Variants in CALN1 observed in about 807,000 individuals in gnomAD.
CALN1 encodes calcium-binding protein 8.
In CALN1, 17 loss-of-function variants were observed where a neutral mutation model predicts 30.6. That is an observed-to-expected ratio of 0.56 (90% CI 0.38 to 0.83). The LOEUF (loss-of-function observed/expected upper bound fraction) is 0.83, where lower values mean the gene tolerates loss of function less well. Ranked by LOEUF, CALN1 falls within the 40% of genes least tolerant of loss-of-function variation. CALN1 has a pLI of 0.00. For missense variants in CALN1, 291 were observed against 354.9 expected (o/e 0.82, Z 1.45); for synonymous variants, 156 against 131.4 (o/e 1.19, Z -1.28).
At chr7:72,028,109 T>C (rs1454461227) in intron 4 of CALN1, among the ~76,000 whole-genome samples, 2 of 146,294 alleles carry the variant, frequency 1.4e-5, no homozygotes, top group Non-Finnish European at 3.0e-5. Context: ...ATCTAAGATA[T>C]GCCCACCAGG....
chr7:71,811,656 A>G (rs1215545071), intron 5 of CALN1, among the ~76,000 whole-genome samples: 1 of 145,732 alleles, frequency 6.9e-6, no homozygotes, highest in Non-Finnish European at 1.5e-5. Context: ...ATTAGGTTTG[A>G]TAGTGTCGCT....
intron 2 of CALN1, among the ~76,000 whole-genome samples, chr7:72,333,135 C>G (rs1801783790): frequency 6.6e-6 from 1 of 152,188 alleles, no homozygotes; most frequent in Admixed American, 6.6e-5. Context: ...CTTTCCTCTG[C>G]ACCAGAATAC....
At chr7:72,240,690 T>A (rs1794771281) in intron 3 of CALN1, among the ~76,000 whole-genome samples, 2 of 152,220 alleles carry the variant, frequency 1.3e-5, no homozygotes, top group South Asian at 4.1e-4. Flanking sequence ...AGTTTATTCC[T>A]GAGGATGTCT....
intron 5 of CALN1, among the ~76,000 whole-genome samples, chr7:72,006,289 G>A (rs1799768161): frequency 6.6e-6 from 1 of 152,168 alleles, no homozygotes; most frequent in Admixed American, 6.5e-5. Flanking sequence ...CATATTTCAT[G>A]AAGGTAAAGA....
intron 4 of CALN1, among the ~76,000 whole-genome samples, chr7:72,101,790 C>T (rs1384823702): frequency 6.6e-6 from 1 of 152,158 alleles, no homozygotes; most frequent in Non-Finnish European, 1.5e-5. Context: ...CTCCTCTGTC[C>T]TTGCTTCTTG....
rs77441307 is a variant in CALN1 at position 71,823,877 on chromosome 7, C to T, written c.502-13385G>A. On this transcript the variant is annotated intron_variant, in intron 5 of 6. Transcript: ENST00000395275. ...AACAAAGGGACTTCTTATATGGTGG[C>T]AGGTAAGAGAGAGAACTTGTGCAAA... Among the ~76,000 whole-genome samples, 1,131 of 152,206 alleles carry T rather than the reference C, an allele frequency of 7.4e-3. 15 individuals carry two copies. The highest frequency in any genetic ancestry group is 0.054 in the East Asian group (279 of 5,180).
At chr7:72,242,709 G>A (rs530791827) in intron 3 of CALN1, among the ~76,000 whole-genome samples, 7 of 152,194 alleles carry the variant, frequency 4.6e-5, no homozygotes, top group Admixed American at 1.3e-4. Context: ...CCAACATGGT[G>A]AAACCCCATT....
At chr7:71,810,185 A>G (rs2116191468) in intron 6 of CALN1, 151 bp downstream of exon 6, 2 of 773,102 alleles carry the variant, frequency 2.6e-6, no homozygotes, top group East Asian at 5.5e-5. Flanking sequence ...CATCTTAGCA[A>G]AAAAGATCTT....
chr7:71,824,633 A>G (rs1192810214), intron 5 of CALN1, among the ~76,000 whole-genome samples: 1 of 152,048 alleles, frequency 6.6e-6, no homozygotes, highest in Admixed American at 6.6e-5. Context: ...GTCCAATCTC[A>G]TGTCAACTTT....
At chr7:72,218,966 C>T (rs2023724) in intron 3 of CALN1, among the ~76,000 whole-genome samples, 107,654 of 151,968 alleles carry the variant, frequency 0.71, 38,806 homozygotes, top group East Asian at 1. Context: ...CTCCCAAGAG[C>T]GACAGAGTGC....
chr7:71,796,904 G>A (rs1011418214), intron 6 of CALN1, among the ~76,000 whole-genome samples: 9 of 152,180 alleles, frequency 5.9e-5, no homozygotes, highest in Admixed American at 5.9e-4. Context: ...ACAGACTGGT[G>A]GCTGCCTCAG....
intron 2 of CALN1, among the ~76,000 whole-genome samples, chr7:72,400,725 T>A (rs980905363): frequency 2.0e-5 from 3 of 152,190 alleles, no homozygotes; most frequent in African/African-American, 7.2e-5. Context: ...TAAAATTAGC[T>A]GGGTTTGGTG....
At chr7:72,276,011 T>C (rs1462490738) in intron 3 of CALN1, among the ~76,000 whole-genome samples, 1 of 152,036 alleles carries the variant, frequency 6.6e-6, no homozygotes. Flanking sequence ...AGAGAAATCA[T>C]CTCTTGATCA....
chr7:72,176,354 G>A (rs1259251735), intron 3 of CALN1, among the ~76,000 whole-genome samples: 3 of 152,182 alleles, frequency 2.0e-5, no homozygotes, highest in Non-Finnish European at 4.4e-5. Flanking sequence ...GTTGGCATAT[G>A]ATAGAGTTTG....
intron 3 of CALN1, among the ~76,000 whole-genome samples, chr7:72,272,698 T>C (rs1797076085): frequency 6.6e-6 from 1 of 152,124 alleles, no homozygotes; most frequent in African/African-American, 2.4e-5. Context: ...GGAACTACAG[T>C]GGCACATAAG....
At chr7:71,963,231 C>T (rs951823659) in intron 5 of CALN1, among the ~76,000 whole-genome samples, 6 of 152,116 alleles carry the variant, frequency 3.9e-5, no homozygotes, top group Admixed American at 6.5e-5. Context: ...GGCGCGATCT[C>T]GGCTCACTGC....
Position 72,309,454 on chromosome 7 carries a change from G to T in CALN1, c.120-30644C>A, listed in dbSNP as rs568433112. 1.2e-4 allele frequency among the ~76,000 whole-genome samples: 19 copies of T among 152,202 alleles called. No homozygotes were observed. In the South Asian group the frequency reaches 3.1e-3, roughly 25 times the overall value. ...CACATGTCCCGTGCAAGGTCCTGTG[G>T]CCTGGAAACACAGCCCTGGCAGGTG... On this transcript the variant is annotated intron_variant, in intron 2 of 6. Coordinates refer to ENST00000395275, the MANE Select transcript of CALN1 (RefSeq NM_031468.4).
At chr7:72,424,717 C>T (rs1339686376) in intron 1 of CALN1, among the ~76,000 whole-genome samples, 2 of 152,100 alleles carry the variant, frequency 1.3e-5, no homozygotes, top group Non-Finnish European at 2.9e-5. Context: ...CAACCTTAGC[C>T]TCCCCAGTAG....
At chr7:71,961,728 C>T (rs1276040270) in intron 5 of CALN1, among the ~76,000 whole-genome samples, 2 of 152,196 alleles carry the variant, frequency 1.3e-5, no homozygotes, top group Non-Finnish European at 2.9e-5. Context: ...TTGCTGCTAG[C>T]TTCTGTTTGG....
Sources: gnomAD v4.1 joint callset for allele counts (sites outside exome capture counted in the v4.1 genomes callset) on GRCh38, gnomAD v4.1.1 for gene constraint, MANE v1.5 for transcripts, NCBI Gene and HGNC (gene_info 2026-07-23, HGNC 2026-07-21) for gene names.